Variants in FGF12 observed in about 807,000 individuals in gnomAD.
FGF12 encodes fibroblast growth factor 12B.
A neutral mutation model predicts 23.6 loss-of-function variants in FGF12; 14 were observed. The ratio of observed to expected loss-of-function variants is 0.59; its 90% CI spans 0.39 to 0.93. The LOEUF (loss-of-function observed/expected upper bound fraction) is 0.93. Among genes scored for constraint, FGF12 ranks in the 40% least tolerant of loss-of-function variants. The pLI is 0.00. For missense variants in FGF12, 175 were observed against 217.8 expected (o/e 0.80, Z 1.24); for synonymous variants, 62 against 77.3 (o/e 0.80, Z 1.04).
At position 192,212,349 on chromosome 3, in the gene FGF12, G is replaced by T. The variant is rs181894274; in HGVS notation, c.229-41693C>A. Among the ~76,000 whole-genome samples the T allele has an allele frequency of 7.9e-5, 12 of 151,974 alleles. No homozygotes were observed. The East Asian group carries it at 2.3e-3, about 29-fold the overall frequency. ...AAAACTGAGGACAGTGTAGGGAAGA[G>T]ATTTCCCATAAAACGTCAACTCTGA... is the stretch of plus-strand genomic sequence containing the variant. On this transcript the variant is annotated intron_variant, in intron 4 of 5. Coordinates refer to ENST00000445105, the MANE Select transcript of FGF12 (RefSeq NM_004113.6).
At chr3:192,580,897 C>T (rs1327017916) in intron 2 of FGF12, among the ~76,000 whole-genome samples, 1 of 152,040 alleles carries the variant, frequency 6.6e-6, no homozygotes, top group East Asian at 1.9e-4. Flanking sequence ...CCACTTCCGG[C>T]CTCAATAAAG....
intron 2 of FGF12, among the ~76,000 whole-genome samples, chr3:192,376,960 C>G (rs1240319188): frequency 2.6e-5 from 4 of 152,134 alleles, no homozygotes; most frequent in Non-Finnish European, 2.9e-5. Context: ...TTGTATTGGC[C>G]TCTTGTAGTA....
At chr3:192,445,200 C>T (rs888237846) in intron 2 of FGF12, among the ~76,000 whole-genome samples, 1 of 152,198 alleles carries the variant, frequency 6.6e-6, no homozygotes, top group Admixed American at 6.5e-5. Flanking sequence ...GATTTATAGA[C>T]ATTTGCATTG....
chr3:192,501,578 T>C (rs1037450697), intron 2 of FGF12, among the ~76,000 whole-genome samples: 1 of 152,178 alleles, frequency 6.6e-6, no homozygotes, highest in African/African-American at 2.4e-5. Context: ...AAATAGAATA[T>C]TTCCAGCTGA....
intron 2 of FGF12, among the ~76,000 whole-genome samples, chr3:192,628,018 C>T (rs565005147): frequency 4.8e-4 from 73 of 152,226 alleles, no homozygotes; most frequent in Non-Finnish European, 9.9e-4. Context: ...ACCAACTGAT[C>T]TCTAACCTCT....
At chr3:192,224,171 A>T (rs542161921) in intron 4 of FGF12, among the ~76,000 whole-genome samples, 1 of 152,176 alleles carries the variant, frequency 6.6e-6, no homozygotes, top group African/African-American at 2.4e-5. Context: ...CAGCATTTCT[A>T]TATTTGCAAG....
chr3:192,710,535 G>A (rs949649912), intron 2 of FGF12, among the ~76,000 whole-genome samples: 1 of 152,182 alleles, frequency 6.6e-6, no homozygotes, highest in African/African-American at 2.4e-5. Context: ...GTCAGCAGTG[G>A]AGAAAGCCAA....
intron 2 of FGF12, among the ~76,000 whole-genome samples, chr3:192,470,899 C>T (rs1281487527): frequency 6.6e-6 from 1 of 152,142 alleles, no homozygotes; most frequent in Admixed American, 6.5e-5. Flanking sequence ...TGTCTTCACT[C>T]TTCCTCCTCC....
chr3:192,680,315 G>A (rs1254661760), intron 2 of FGF12, among the ~76,000 whole-genome samples: 3 of 152,160 alleles, frequency 2.0e-5, no homozygotes, highest in African/African-American at 4.8e-5. Context: ...GACTGCTGCC[G>A]AAGGAAATGG....
intron 2 of FGF12, among the ~76,000 whole-genome samples, chr3:192,433,817 C>T (rs1199457104): frequency 1.3e-5 from 2 of 152,208 alleles, no homozygotes; most frequent in South Asian, 2.1e-4. Context: ...CTTCACCTCC[C>T]CATGGGGTAT....
At chr3:192,489,857 T>C (rs73070282) in intron 2 of FGF12, among the ~76,000 whole-genome samples, 3,964 of 151,796 alleles carry the variant, frequency 0.026, 187 homozygotes, top group African/African-American at 0.088. Context: ...AGGGAGAGGA[T>C]CAGGAAAAAT....
chr3:192,649,309 C>T (rs917644923), intron 2 of FGF12, among the ~76,000 whole-genome samples: 2 of 152,016 alleles, frequency 1.3e-5, no homozygotes, highest in African/African-American at 4.8e-5. Context: ...GTAGAGTGAC[C>T]CCAATGGTAA....
intron 4 of FGF12, among the ~76,000 whole-genome samples, chr3:192,197,514 T>C (rs893554332): frequency 2.0e-5 from 3 of 152,222 alleles, no homozygotes; most frequent in African/African-American, 7.2e-5. Flanking sequence ...ATAAGGACCT[T>C]ATAAGTCCCT....
intron 2 of FGF12, among the ~76,000 whole-genome samples, chr3:192,619,716 G>A (rs1370672641): frequency 1.3e-5 from 2 of 152,090 alleles, no homozygotes; most frequent in African/African-American, 2.4e-5. Flanking sequence ...TGCGAAATTG[G>A]AGATACATTG....
At chr3:192,242,141 G>A (rs557036773) in intron 4 of FGF12, among the ~76,000 whole-genome samples, 49 of 151,962 alleles carry the variant, frequency 3.2e-4, no homozygotes, top group Non-Finnish European at 4.7e-4. Flanking sequence ...GTAGAAGGAA[G>A]AATATTGCAA....
chr3:192,500,428 A>C (rs1724099843), intron 2 of FGF12, among the ~76,000 whole-genome samples: 1 of 150,710 alleles, frequency 6.6e-6, no homozygotes, highest in African/African-American at 2.4e-5. Context: ...TGATATAATA[A>C]ATCCAACATC....
At position 192,274,833 on chromosome 3, in the gene FGF12, T is replaced by A. The variant is rs138122534; in HGVS notation, c.228+60528A>T. Among the ~76,000 whole-genome samples, 250 of 152,312 alleles carry A rather than the reference T, an allele frequency of 1.6e-3. 2 individuals are homozygous for A. The highest frequency in any genetic ancestry group is 5.7e-3 in the African/African-American group (237 of 41,570). On this transcript the variant is annotated intron_variant, in intron 4 of 5. Transcript: ENST00000445105. ...AGTAAACTGGTTTCCTTCATATCAA[T>A]CACTGTGGAAGGCTTCACATTTTCT... is the stretch of plus-strand genomic sequence containing the variant.
chr3:192,314,286 T>TAA lies in FGF12; in HGVS notation c.228+21074_228+21075insTT, dbSNP rs1560065593. Among the ~76,000 whole-genome samples the TAA allele has an allele frequency of 9.5e-4, 140 of 148,010 alleles. 1 individual carries two copies. Among genetic ancestry groups the TAA allele is most frequent in the African/African-American group, 3.3e-3 (131 of 39,810 alleles). On this transcript the variant is annotated intron_variant, in intron 4 of 5. Coordinates refer to ENST00000445105, the MANE Select transcript of FGF12 (RefSeq NM_004113.6). ...TATTGCTTAAAATTAAAAATTAAAA[T>TAA]TAAAAAAAAAACAAAATAAAAGCTA...
chr3:192,262,779 A>G (rs1712838981), intron 4 of FGF12, among the ~76,000 whole-genome samples: 1 of 151,848 alleles, frequency 6.6e-6, no homozygotes, highest in Non-Finnish European at 1.5e-5. Flanking sequence ...GTGACACGTG[A>G]CTGTAATTTT....
Sources: allele counts gnomAD v4.1 joint callset (sites outside exome capture counted in the v4.1 genomes callset), GRCh38; gene constraint gnomAD v4.1.1; transcripts MANE v1.5; gene names NCBI Gene and HGNC (gene_info 2026-07-23, HGNC 2026-07-21).